UNC13C: variants seen among roughly 807,000 people sequenced by gnomAD.
UNC13C encodes the protein protein unc-13 homolog C.
In UNC13C, 174 loss-of-function variants were observed where a neutral mutation model predicts 245.4. The observed-to-expected ratio is 0.71, with a 90% CI of 0.63 to 0.80. The LOEUF is 0.80. UNC13C is among the 30% of genes least tolerant of loss of function. UNC13C has a pLI of 0.00. For missense variants in UNC13C, 2,829 were observed against 2,602.9 expected (o/e 1.09, Z -1.89); for synonymous variants, 992 against 895.1 (o/e 1.11, Z -1.93).
the UNC13C span, chr15:53,912,958 C>T: frequency 6.6e-6 from 1 of 152,146 alleles, no homozygotes; most frequent in Non-Finnish European, 1.5e-5. Flanking sequence ...GGCTGTTTGA[C>T]AATGGAACTG....
At chr15:54,002,889 A>G (rs1894960633) in intron 1 of UNC13C, among the ~76,000 whole-genome samples, 1 of 152,198 alleles carries the variant, frequency 6.6e-6, no homozygotes, top group Non-Finnish European at 1.5e-5. Flanking sequence ...CTATAGAGGA[A>G]AGGCAGCACA....
chr15:54,197,504 C>T (rs776066853), intron 4 of UNC13C, among the ~76,000 whole-genome samples: 6 of 151,616 alleles, frequency 4.0e-5, no homozygotes, highest in African/African-American at 7.2e-5. Context: ...TTTAGAAAGA[C>T]GCTGGATAGG....
chr15:54,221,214 G>T (rs540092864), intron 4 of UNC13C, among the ~76,000 whole-genome samples: 12 of 151,976 alleles, frequency 7.9e-5, no homozygotes, highest in African/African-American at 2.7e-4. Flanking sequence ...TGCTAAGAAG[G>T]CATAGTGTCA....
intron 19 of UNC13C, among the ~76,000 whole-genome samples, chr15:54,461,678 A>T (rs1320441301): frequency 6.6e-6 from 1 of 152,188 alleles, no homozygotes; most frequent in Non-Finnish European, 1.5e-5. Flanking sequence ...CATTGAGTAA[A>T]TCAGGTAGGA....
At chr15:54,205,067 A>G (rs1482583501) in intron 4 of UNC13C, among the ~76,000 whole-genome samples, 1 of 152,028 alleles carries the variant, frequency 6.6e-6, no homozygotes, top group East Asian at 1.9e-4. Flanking sequence ...ATCCTGACTG[A>G]TAATCAGAGA....
rs751913505 is a variant in UNC13C, at chr15:54,236,482, A to G, written c.3156+47A>G. On this transcript the variant is annotated intron_variant, in intron 6 of 32. Coordinates refer to ENST00000260323, the MANE Select transcript of UNC13C (RefSeq NM_001080534.3). ...TAATTAATATTTTGCAGTCTTCTCAAACATACACTGCACTTACTCATGGGG... is the reference window on the plus strand; with the variant it reads ...TAATTAATATTTTGCAGTCTTCTCAGACATACACTGCACTTACTCATGGGG... 2.0e-6 allele frequency: 3 copies of G among 1,483,130 alleles called. No homozygotes were observed. The African/African-American group carries it at 4.1e-5, about 20-fold the overall frequency. 91.9% of individuals were successfully genotyped at this position (1,483,130 alleles called of 1,614,324 possible).
intron 19 of UNC13C, among the ~76,000 whole-genome samples, chr15:54,464,302 A>G (rs1017242071): frequency 6.6e-6 from 1 of 152,140 alleles, no homozygotes; most frequent in African/African-American, 2.4e-5. Context: ...TTTTTCTGCC[A>G]GCATATCCAT....
chr15:54,298,041 C>T (rs1257453465), intron 12 of UNC13C, 115 bp downstream of exon 12: 10 of 732,040 alleles, frequency 1.4e-5, no homozygotes, highest in East Asian at 1.1e-4. Flanking sequence ...TCCTGGAGTT[C>T]TGACTCTATA....
chr15:54,250,403 A>G lies in UNC13C; in HGVS notation c.3407A>G (p.His1136Arg). The G allele has an allele frequency of 6.2e-7, 1 of 1,613,562 alleles. No homozygotes were observed. ...MKCLECGVKCHEKCQDLLNAD... is the reference protein window; with the variant it reads ...MKCLECGVKCREKCQDLLNAD... ...TGTCTGGAGTGTGGAGTGAAATGCC[A>G]CGAAAAGTGTCAGGACCTGCTAAAC... is the stretch of plus-strand genomic sequence containing the variant. The change falls in exon 8 of 33, where the codon CAC (histidine) becomes CGC (arginine). Residue 1136 changes from histidine (H) to arginine (R), a missense_variant. Physicochemically the swap from His to Arg is conservative, Grantham distance 29. Transcript: ENST00000260323.
At chr15:54,179,294 G>T (rs1241547767) in intron 4 of UNC13C, among the ~76,000 whole-genome samples, 2 of 151,988 alleles carry the variant, frequency 1.3e-5, no homozygotes, top group Non-Finnish European at 2.9e-5. Context: ...ATAATCAAAA[G>T]AAACAAAATA....
chr15:54,444,055 A>G (rs1890672281), intron 19 of UNC13C, among the ~76,000 whole-genome samples: 1 of 151,880 alleles, frequency 6.6e-6, no homozygotes, highest in Non-Finnish European at 1.5e-5. Flanking sequence ...AATAATATCC[A>G]CTTTATATAT....
chr15:54,450,718 C>A (rs1284631540), intron 19 of UNC13C, among the ~76,000 whole-genome samples: 1 of 152,210 alleles, frequency 6.6e-6, no homozygotes, highest in Non-Finnish European at 1.5e-5. Flanking sequence ...CTTGCGCTTC[C>A]CGGTTGAGGT....
At chr15:54,462,607 T>C (rs1433758201) in intron 19 of UNC13C, among the ~76,000 whole-genome samples, 1 of 152,226 alleles carries the variant, frequency 6.6e-6, no homozygotes, top group Non-Finnish European at 1.5e-5. Context: ...GGCCAGCAGC[T>C]GCGGAGGGGG....
intron 17 of UNC13C, among the ~76,000 whole-genome samples, chr15:54,375,985 T>C (rs755045706): frequency 3.3e-5 from 5 of 152,204 alleles, no homozygotes; most frequent in Non-Finnish European, 7.3e-5. Context: ...TTAATCACAA[T>C]ATTTTATTTT....
intron 19 of UNC13C, among the ~76,000 whole-genome samples, chr15:54,489,797 T>C (rs1467200939): frequency 6.6e-6 from 1 of 152,202 alleles, no homozygotes; most frequent in Middle Eastern, 3.2e-3. Context: ...ATGTTTAGTA[T>C]TTGCCACTTA....
chr15:54,096,046 G>A (rs771497530), intron 2 of UNC13C, among the ~76,000 whole-genome samples: 4 of 152,190 alleles, frequency 2.6e-5, no homozygotes, highest in Non-Finnish European at 1.5e-5. Flanking sequence ...GCATGTGAAG[G>A]CAACAATGGG....
At chr15:54,101,217 T>C (rs1440072418) in intron 2 of UNC13C, among the ~76,000 whole-genome samples, 2 of 152,142 alleles carry the variant, frequency 1.3e-5, no homozygotes, top group Non-Finnish European at 2.9e-5. Flanking sequence ...TTCCTTTTTT[T>C]TCTTGATTTT....
At chr15:53,850,130 G>C in the UNC13C span, among the ~76,000 whole-genome samples, 1 of 151,878 alleles carries the variant, frequency 6.6e-6, no homozygotes, top group Non-Finnish European at 1.5e-5. Context: ...AGAATTCTAG[G>C]GGGCGCTGGG....
At chr15:54,144,213 G>A (rs183706080) in intron 4 of UNC13C, among the ~76,000 whole-genome samples, 28 of 152,000 alleles carry the variant, frequency 1.8e-4, no homozygotes, top group African/African-American at 5.3e-4. Context: ...AAGCAGCCTC[G>A]TCTTTAATGT....
Sources: gnomAD v4.1 joint callset for allele counts (sites outside exome capture counted in the v4.1 genomes callset) on GRCh38, gnomAD v4.1.1 for gene constraint, MANE v1.5 for transcripts, NCBI Gene and HGNC (gene_info 2026-07-23, HGNC 2026-07-21) for gene names.